Variants in EXOC1 observed in about 807,000 individuals in gnomAD.
EXOC1 encodes the protein SEC3-like 1.
EXOC1 carries 67 observed loss-of-function variants against 107.7 expected under a neutral mutation model. The observed-to-expected ratio is 0.62, with a 90% CI of 0.51 to 0.76. EXOC1 has a LOEUF of 0.76. Among genes scored for constraint, EXOC1 ranks in the 30% least tolerant of loss-of-function variants. The probability of loss-of-function intolerance (pLI) is 0.00; values close to 1 mark genes in which losing one functional copy is unlikely to be tolerated. For synonymous variants in EXOC1, 348 were observed against 353.5 expected (o/e 0.98, Z 0.17); for missense variants, 833 against 1,055.7 (o/e 0.79, Z 2.92).
intron 8 of EXOC1, chr4:55,876,308 C>T (rs545051957): frequency 5.0e-5 from 49 of 985,056 alleles, no homozygotes; most frequent in Non-Finnish European, 5.8e-5. Context: ...AGAATATCCA[C>T]ATAGGTCTAC....
rs899347830 is a variant in EXOC1, at chr4:55,877,659, C to T, written c.1075-258C>T. Reference sequence around the variant, plus strand: ...GTTCCATCTTCATTCCTTTAAAAGACGGAATGGGTAGTTGATTTATCAGAG... The same window carrying T: ...GTTCCATCTTCATTCCTTTAAAAGATGGAATGGGTAGTTGATTTATCAGAG... On this transcript the variant is annotated intron_variant, in intron 8 of 18. Transcript: ENST00000381295. 4.5e-5 allele frequency: 44 copies of T among 984,932 alleles called. 1 individual carries two copies. The highest frequency in any genetic ancestry group is 5.2e-5 in the Non-Finnish European group (43 of 829,710). The allele number at this position is 984,932 out of a possible 1,614,324, so 61.0% of individuals were successfully genotyped here. A position where few individuals can be genotyped will look rare whatever the true frequency, so the allele number is the denominator to read the frequency against.
At chr4:55,864,082 C>T in intron 3 of EXOC1, 145 bp from the exon 4 acceptor site, 1 of 583,812 alleles carries the variant, frequency 1.7e-6, no homozygotes, top group Non-Finnish European at 2.9e-6. Flanking sequence ...AAATTGAATT[C>T]TCCAAACTCT....
chr4:55,878,521 G>T (rs1258471649), intron 9 of EXOC1, among the ~76,000 whole-genome samples: 1 of 152,046 alleles, frequency 6.6e-6, no homozygotes, highest in Non-Finnish European at 1.5e-5. Flanking sequence ...AGATCTGACT[G>T]GGAAGAATCA....
chr4:55,900,639 G>C (rs548986356), intron 17 of EXOC1: 1 of 152,294 alleles, frequency 6.6e-6, no homozygotes, highest in South Asian at 2.1e-4. Flanking sequence ...ACTTTGGGAG[G>C]CCAAGGCAGG....
rs17086121 is a variant in EXOC1, at chr4:55,891,297, C to T, written c.1540-18C>T. Reference sequence around the variant, plus strand: ...TGGTGCAGTTCTTTCGTTATAGGATCACTTTGGTTTTCTTCAGATCTTTGA... The same window carrying T: ...TGGTGCAGTTCTTTCGTTATAGGATTACTTTGGTTTTCTTCAGATCTTTGA... On this transcript the variant is annotated intron_variant, in intron 12 of 18. Transcript: ENST00000381295. 7,603 of 1,512,662 alleles carry T rather than the reference C, an allele frequency of 5.0e-3. 90 individuals carry two copies. The highest frequency in any genetic ancestry group is 0.047 in the African/African-American group (3,455 of 72,916). 93.7% of individuals were successfully genotyped at this position (1,512,662 alleles called of 1,614,324 possible).
At position 55,860,418 on chromosome 4, in the gene EXOC1, T is replaced by G; in HGVS notation, c.132T>G (p.Thr44=). 6.2e-7 allele frequency: 1 copy of G among 1,613,788 alleles called. No individual in the cohort carries two copies. The highest frequency in any genetic ancestry group is 1.1e-5 in the South Asian group (1 of 91,074). ...KNCFLCATVT[T]ERPVQVKVVK... The stretch of plus-strand genomic sequence containing the variant: ...GTGCGTTTTACTCAACAGTGACAAC[T>G]GAACGCCCTGTGCAGGTTAAGGTGG... Residue 44 remains threonine, a synonymous_variant, in exon 3 of 19, where the codon ACT becomes ACG. Coordinates refer to ENST00000381295, the MANE Select transcript of EXOC1 (RefSeq NM_001024924.2).
rs1452658214 is a variant in EXOC1, at chr4:55,891,426, T to C, written c.1647+4T>C. On this transcript the variant is annotated splice_donor_region_variant and intron_variant, in intron 13 of 18. Coordinates refer to ENST00000381295, the MANE Select transcript of EXOC1 (RefSeq NM_001024924.2). Reference sequence around the variant, plus strand: ...TCAAAGTATGCCTGGAACTATGGTATGGCTCACAGTGTATTTTGGATAGTA... The same window carrying C: ...TCAAAGTATGCCTGGAACTATGGTACGGCTCACAGTGTATTTTGGATAGTA... The C allele has an allele frequency of 2.6e-6, 4 of 1,552,398 alleles. No individual in the cohort carries two copies. Among genetic ancestry groups the C allele is most frequent in the Non-Finnish European group, 3.6e-6 (4 of 1,123,886 alleles).
intron 5 of EXOC1, chr4:55,868,827 A>T (rs1722182728): frequency 4.2e-6 from 1 of 236,516 alleles, no homozygotes; most frequent in African/African-American, 2.2e-5. Context: ...AGCCTCTGAA[A>T]CATGTCTGAA....
At chr4:55,889,128 C>T (rs1433431566) in intron 11 of EXOC1, among the ~76,000 whole-genome samples, 196 bp downstream of exon 11, 2 of 152,030 alleles carry the variant, frequency 1.3e-5, no homozygotes, top group African/African-American at 2.4e-5. Context: ...AATTACTTGA[C>T]GAGTAGTAGA....
intron 3 of EXOC1, among the ~76,000 whole-genome samples, chr4:55,862,054 CACAAAAAAAA>C (rs1205874710): frequency 1.2e-4 from 17 of 147,656 alleles, no homozygotes; most frequent in Admixed American, 4.8e-4. Flanking sequence ...ACTCTGTCTC[CACAAAAAAAA>C]ACAAAAAAAA....
intron 8 of EXOC1, among the ~76,000 whole-genome samples, chr4:55,875,081 T>C (rs186964005): frequency 5.4e-4 from 82 of 152,222 alleles, no homozygotes; most frequent in African/African-American, 1.9e-3. Flanking sequence ...GAAAATAAAC[T>C]GAAATGCACT....
rs111336159 is a variant in EXOC1 at position 55,856,889 on chromosome 4, G to A, written c.-10-1425G>A. Among the ~76,000 whole-genome samples, 5 of 152,082 alleles carry A rather than the reference G, an allele frequency of 3.3e-5. 1 individual carries two copies. Among genetic ancestry groups the A allele is most frequent in the African/African-American group, 1.2e-4 (5 of 41,502 alleles). On this transcript the variant is annotated intron_variant, in intron 1 of 18. Coordinates refer to ENST00000381295, the MANE Select transcript of EXOC1 (RefSeq NM_001024924.2). ...TGAGTGATTTTTGGCATATTCACAAGGTTGTATAACCATCATTACTATCTA... is the reference window on the plus strand; with the variant it reads ...TGAGTGATTTTTGGCATATTCACAAAGTTGTATAACCATCATTACTATCTA...
intron 11 of EXOC1, 115 bp from the exon 12 acceptor site, chr4:55,890,108 C>A: frequency 3.2e-6 from 3 of 945,194 alleles, no homozygotes; most frequent in Non-Finnish European, 4.7e-6. Context: ...TGTGCACTAA[C>A]TAATATGAGC....
At chr4:55,897,640 A>G (rs546644626) in intron 16 of EXOC1, among the ~76,000 whole-genome samples, 2 of 151,490 alleles carry the variant, frequency 1.3e-5, no homozygotes, top group African/African-American at 4.8e-5. Flanking sequence ...AAATGGAATC[A>G]TCTCACCAAT....
chr4:55,904,272 G>A, intron 18 of EXOC1, 71 bp from the exon 19 acceptor site: 2 of 1,386,016 alleles, frequency 1.4e-6, no homozygotes, highest in East Asian at 2.5e-5. Flanking sequence ...ATATGCCTTG[G>A]CATTATTTCT....
intron 10 of EXOC1, 102 bp from the exon 11 acceptor site, chr4:55,888,786 C>CTT: frequency 8.3e-7 from 1 of 1,206,424 alleles, no homozygotes; most frequent in Non-Finnish European, 1.2e-6. Context: ...TTGCATGTGT[C>CTT]TTTTAAACTA....
At chr4:55,863,324 G>T (rs1482156183) in intron 3 of EXOC1, among the ~76,000 whole-genome samples, 1 of 152,176 alleles carries the variant, frequency 6.6e-6, no homozygotes, top group Non-Finnish European at 1.5e-5. Flanking sequence ...CTCTCAGATT[G>T]GTTGAGCTTC....
At chr4:55,904,098 A>G (rs1469951017) in intron 18 of EXOC1, among the ~76,000 whole-genome samples, 9 of 151,716 alleles carry the variant, frequency 5.9e-5, no homozygotes, top group African/African-American at 2.2e-4. Context: ...TTCTCACAGC[A>G]TTATGAGGAA....
Position 55,890,099 on chromosome 4 carries a change from G to C in EXOC1, c.1376-124G>C, listed in dbSNP as rs1248627029. On this transcript the variant is annotated intron_variant, in intron 11 of 18. Transcript: ENST00000381295. ...ACCACCTATCCCTTATAGAAGATTT[G>C]TGCACTAACTAATATGAGCCCTGGA... is the stretch of plus-strand genomic sequence containing the variant. 47 of 792,570 alleles carry C rather than the reference G, an allele frequency of 5.9e-5. No homozygotes were observed. The East Asian group carries it at 1.3e-3, about 22-fold the overall frequency. The allele number at this position is 792,570 out of a possible 1,614,324, so 49.1% of individuals were successfully genotyped here. A position where few individuals can be genotyped will look rare whatever the true frequency, so the allele number is the denominator to read the frequency against.
Sources: allele counts gnomAD v4.1 joint callset (sites outside exome capture counted in the v4.1 genomes callset), GRCh38; gene constraint gnomAD v4.1.1; transcripts MANE v1.5; gene names NCBI Gene and HGNC (gene_info 2026-07-23, HGNC 2026-07-21).